The following MALRD1 variants were observed in gnomAD, a reference collection of about 807,000 sequenced individuals.
The protein encoded by MALRD1 is MAM and LDL-receptor class A domain-containing protein 1.
Under a neutral mutation model 242.1 loss-of-function variants are expected in MALRD1, and 247 were observed. The ratio of observed to expected loss-of-function variants is 1.02; its 90% CI spans 0.92 to 1.13. The LOEUF (loss-of-function observed/expected upper bound fraction) is 1.13, where lower values mean the gene tolerates loss of function less well. MALRD1 is among the 50% of genes most tolerant of loss of function. The probability of loss-of-function intolerance (pLI) is 0.00; values close to 1 mark genes in which losing one functional copy is unlikely to be tolerated. For synonymous variants in MALRD1, 995 were observed against 866.6 expected (o/e 1.15, Z -2.60); for missense variants, 2,989 against 2,533.1 (o/e 1.18, Z -3.86).
intron 32 of MALRD1, among the ~76,000 whole-genome samples, chr10:19,554,970 A>G (rs938432875): frequency 1.9e-4 from 29 of 152,168 alleles, no homozygotes; most frequent in South Asian, 4.1e-4. Context: ...GAATCGCCAT[A>G]CTGTCTTACA....
chr10:19,143,606 A>G (rs1833623555), intron 10 of MALRD1, among the ~76,000 whole-genome samples: 1 of 152,232 alleles, frequency 6.6e-6, no homozygotes, highest in Non-Finnish European at 1.5e-5. Flanking sequence ...GGGCCAGGCA[A>G]GACATGTGGT....
At chr10:19,450,833 G>T (rs1589098664) in intron 29 of MALRD1, among the ~76,000 whole-genome samples, 1 of 152,068 alleles carries the variant, frequency 6.6e-6, no homozygotes, top group African/African-American at 2.4e-5. Flanking sequence ...GCACCTTCTT[G>T]CTGTGTCTTC....
At chr10:19,663,670 C>G (rs1841543682) in intron 36 of MALRD1, among the ~76,000 whole-genome samples, 1 of 152,140 alleles carries the variant, frequency 6.6e-6, no homozygotes, top group South Asian at 2.1e-4. Context: ...CTGCACTCAG[C>G]TTCCACAGAG....
At chr10:19,731,697 T>C (rs1051263639) in intron 39 of MALRD1, among the ~76,000 whole-genome samples, 1 of 152,248 alleles carries the variant, frequency 6.6e-6, no homozygotes, top group East Asian at 1.9e-4. Context: ...GTAAGTGTTA[T>C]GAGAATTCAT....
chr10:19,584,567 T>A (rs1469629355), intron 33 of MALRD1, among the ~76,000 whole-genome samples: 1 of 152,230 alleles, frequency 6.6e-6, no homozygotes, highest in Non-Finnish European at 1.5e-5. Flanking sequence ...AGTTCTAGTT[T>A]GATTGCACTG....
intron 36 of MALRD1, among the ~76,000 whole-genome samples, chr10:19,684,692 C>T (rs1341719298): frequency 1.3e-5 from 2 of 152,156 alleles, no homozygotes; most frequent in African/African-American, 2.4e-5. Flanking sequence ...ATGGAGGTTG[C>T]AGTGAGCCAA....
chr10:19,181,151 A>C lies in MALRD1; in HGVS notation c.1951+5823A>C, dbSNP rs559142013. Among the ~76,000 whole-genome samples the C allele has an allele frequency of 1.2e-3, 183 of 152,282 alleles. 2 individuals are homozygous for C. The highest frequency in any genetic ancestry group is 1.6e-3 in the Non-Finnish European group (109 of 68,014). On this transcript the variant is annotated intron_variant, in intron 14 of 39. Coordinates refer to ENST00000454679, the MANE Select transcript of MALRD1 (RefSeq NM_001142308.3). ...GCAGCCATTATGGAATATGGTATGG[A>C]GGTTTCTAAAGAAATTAGCAATAAA...
At chr10:19,420,300 C>T (rs545404853) in intron 28 of MALRD1, among the ~76,000 whole-genome samples, 4 of 151,776 alleles carry the variant, frequency 2.6e-5, no homozygotes, top group Non-Finnish European at 5.9e-5. Context: ...AGTAGGTAAT[C>T]GGAATGAGTC....
intron 36 of MALRD1, among the ~76,000 whole-genome samples, chr10:19,652,901 C>T (rs550385395): frequency 3.9e-5 from 6 of 152,122 alleles, no homozygotes; most frequent in African/African-American, 7.2e-5. Flanking sequence ...CACCATGCAA[C>T]GTTGCTTCTT....
intron 36 of MALRD1, among the ~76,000 whole-genome samples, chr10:19,667,696 C>T (rs1435595535): frequency 6.6e-6 from 1 of 152,050 alleles, no homozygotes; most frequent in Non-Finnish European, 1.5e-5. Context: ...ATTGAAAGCT[C>T]CCTGAGGCTT....
chr10:19,297,291 T>G (rs979297225), intron 21 of MALRD1, among the ~76,000 whole-genome samples: 1 of 151,862 alleles, frequency 6.6e-6, no homozygotes, highest in Non-Finnish European at 1.5e-5. Context: ...TTACTTATAA[T>G]TGTTTTCACT....
At chr10:19,386,111 C>A (rs772502709) in intron 26 of MALRD1, among the ~76,000 whole-genome samples, 4 of 152,118 alleles carry the variant, frequency 2.6e-5, no homozygotes, top group Non-Finnish European at 4.4e-5. Context: ...CCAGTGGCTT[C>A]AATGTGGCAT....
At chr10:19,508,063 GTGT>G (rs574985908) in intron 31 of MALRD1, among the ~76,000 whole-genome samples, 95 of 149,066 alleles carry the variant, frequency 6.4e-4, no homozygotes, top group South Asian at 2.1e-3. Context: ...TTTGTATAGT[GTGT>G]TGTTGTTGAT....
At chr10:19,206,913 C>T (rs565321458) in intron 17 of MALRD1, among the ~76,000 whole-genome samples, 35 of 152,186 alleles carry the variant, frequency 2.3e-4, no homozygotes, top group African/African-American at 8.2e-4. Flanking sequence ...TGGAGGGTAC[C>T]CTGTGTCCCC....
intron 24 of MALRD1, among the ~76,000 whole-genome samples, chr10:19,347,231 C>A (rs1844171819): frequency 1.3e-5 from 2 of 152,186 alleles, no homozygotes; most frequent in South Asian, 4.1e-4. Flanking sequence ...GTATTTAATG[C>A]AACTTAACCT....
intron 36 of MALRD1, among the ~76,000 whole-genome samples, chr10:19,638,752 C>T (rs1220627471): frequency 1.3e-5 from 2 of 152,110 alleles, no homozygotes; most frequent in African/African-American, 4.8e-5. Flanking sequence ...CCAGTGAGGT[C>T]ACCACCCACA....
At chr10:19,716,540 C>G (rs1332769252) in intron 38 of MALRD1, among the ~76,000 whole-genome samples, 1 of 152,184 alleles carries the variant, frequency 6.6e-6, no homozygotes, top group Admixed American at 6.5e-5. Flanking sequence ...AACTGTGAGC[C>G]AATCAAACCT....
intron 6 of MALRD1, among the ~76,000 whole-genome samples, chr10:19,123,965 G>A (rs1448818243): frequency 1.3e-5 from 2 of 151,842 alleles, no homozygotes; most frequent in Non-Finnish European, 2.9e-5. Flanking sequence ...CAGCACTTTG[G>A]GAGGCCGGGA....
intron 30 of MALRD1, among the ~76,000 whole-genome samples, chr10:19,497,716 C>T (rs898606585): frequency 2.6e-5 from 4 of 152,060 alleles, no homozygotes; most frequent in African/African-American, 9.7e-5. Context: ...TCAATTGATT[C>T]ATACCAATTA....
Sources: allele counts gnomAD v4.1 joint callset (sites outside exome capture counted in the v4.1 genomes callset), GRCh38; gene constraint gnomAD v4.1.1; transcripts MANE v1.5; gene names NCBI Gene and HGNC (gene_info 2026-07-23, HGNC 2026-07-21).